Variants in EP300 observed in about 807,000 individuals in gnomAD.
EP300 encodes the protein histone acetyltransferase p300.
In EP300, 31 loss-of-function variants were observed where a neutral mutation model predicts 264.0. That is an observed-to-expected ratio of 0.12 (90% CI 0.09 to 0.16). EP300 has a LOEUF of 0.16. EP300 is among the 10% of genes least tolerant of loss of function. EP300 has a pLI of 1.00. For synonymous variants in EP300, 1,340 were observed against 1,045.4 expected (o/e 1.28, Z -5.44); for missense variants, 2,766 against 3,052.9 (o/e 0.91, Z 2.21).
Position 41,092,761 on chromosome 22 carries a change from G to C in EP300, c.-244G>C, listed in dbSNP as rs979441668. On this transcript the variant is annotated 5_prime_UTR_variant, in exon 1 of 31. Transcript: ENST00000263253. ...ACGCGCTCGGCGAATTTGTGCTCTT[G>C]TGCCCTCCTCCGGGCTTGGGCCCAG... The C allele has an allele frequency of 1.8e-5, 11 of 622,198 alleles. No individual in the cohort carries two copies. The highest frequency in any genetic ancestry group is 5.6e-5 in the African/African-American group (3 of 53,948). 38.5% of individuals were successfully genotyped at this position (622,198 alleles called of 1,614,324 possible).
intron 27 of EP300, 36 bp downstream of exon 27, chr22:41,170,607 G>T (rs1160114517): frequency 6.8e-6 from 10 of 1,462,780 alleles, no homozygotes; most frequent in Non-Finnish European, 7.5e-6. Flanking sequence ...GCTGACAATA[G>T]ATCTGGAAAT....
intron 1 of EP300, among the ~76,000 whole-genome samples, 186 bp downstream of exon 1, chr22:41,093,284 CATTG>C (rs909591611): frequency 1.3e-5 from 2 of 152,158 alleles, no homozygotes; most frequent in African/African-American, 2.4e-5. Flanking sequence ...CCTCCTAATA[CATTG>C]ATTGCAACAC....
chr22:41,154,827 T>C (rs1601623145), intron 16 of EP300, among the ~76,000 whole-genome samples, 168 bp from the exon 17 acceptor site: 1 of 152,206 alleles, frequency 6.6e-6, no homozygotes, highest in Non-Finnish European at 1.5e-5. Context: ...AAAGCGGGGC[T>C]TAGAATCTAG....
At chr22:41,167,574 GTGTGTGTGTGTATATATATATATATA>G (rs1173241135) in intron 23 of EP300, among the ~76,000 whole-genome samples, 2 of 29,184 alleles carry the variant, frequency 6.9e-5, no homozygotes, top group African/African-American at 2.7e-4. Flanking sequence ...GTGTGTGTGT[GTGTGTGTGTGTATATATATATATATA>G]TATATATATA....
chr22:41,144,249 T>C (rs1410544519), intron 10 of EP300, among the ~76,000 whole-genome samples: 1 of 152,050 alleles, frequency 6.6e-6, no homozygotes, highest in Non-Finnish European at 1.5e-5. Context: ...TGATAAAGGG[T>C]TTTTGATTAT....
intron 30 of EP300, 27 bp downstream of exon 30, chr22:41,176,555 A>T (rs200572024): frequency 1.6e-5 from 26 of 1,612,972 alleles, no homozygotes; most frequent in Middle Eastern, 3.7e-4. Flanking sequence ...GGGAAGGAGG[A>T]GGTGAGCTCC....
At chr22:41,163,068 G>A (rs541805425) in intron 21 of EP300, among the ~76,000 whole-genome samples, 22 of 152,310 alleles carry the variant, frequency 1.4e-4, no homozygotes, top group African/African-American at 4.8e-4. Context: ...ATGTCTTCTA[G>A]ATGTTCCTAA....
rs777196925 is a variant in EP300 at position 41,178,797 on chromosome 22, G to T, written c.7086G>T (p.Gly2362=). The change falls in exon 31 of 31, where the codon GGG becomes GGT. Residue 2362 remains glycine (G), a synonymous_variant. Coordinates refer to ENST00000263253, the MANE Select transcript of EP300 (RefSeq NM_001429.4). The part of the protein sequence containing the change: ...VAAQANPMEQ[G]HFASPDQNSM... ...CCCAGGCCAACCCCATGGAACAAGG[G>T]CATTTTGCCAGCCCGGACCAGAATT... 6.2e-7 allele frequency: 1 copy of T among 1,614,058 alleles called. No individual in the cohort carries two copies. Among genetic ancestry groups the T allele is most frequent in the African/African-American group, 1.3e-5 (1 of 74,998 alleles).
At chr22:41,163,326 T>C (rs912586070) in intron 21 of EP300, among the ~76,000 whole-genome samples, 23 of 149,660 alleles carry the variant, frequency 1.5e-4, no homozygotes, top group Non-Finnish European at 6.0e-5. Flanking sequence ...TCCCAGCTAC[T>C]TGGGAGGCTG....
At chr22:41,172,772 T>C in intron 28 of EP300, 109 bp downstream of exon 28, 1 of 1,202,462 alleles carries the variant, frequency 8.3e-7, no homozygotes, top group Non-Finnish European at 1.2e-6. Flanking sequence ...GTAAAAGAGC[T>C]CTTTAAGTTG....
Position 41,151,885 on chromosome 22 carries a change from C to G in EP300, c.2870C>G (p.Thr957Ser), listed in dbSNP as rs774604668. 26 of 1,614,042 alleles carry G rather than the reference C, an allele frequency of 1.6e-5. No homozygotes were observed. The highest frequency in any genetic ancestry group is 2.2e-5 in the Non-Finnish European group (26 of 1,180,032). The change falls in exon 15 of 31, where the codon ACT (threonine) becomes AGT (serine). Residue 957 changes from threonine (T) to serine (S), a missense_variant. Physicochemically the swap from Thr to Ser is moderately conservative, Grantham distance 58 (BLOSUM62 1). Transcript: ENST00000263253. Reference protein sequence around the residue: ...IEGQVSNPPSTSSTEVNSQAI... With the variant: ...IEGQVSNPPSSSSTEVNSQAI... Reference sequence around the variant, plus strand: ...GGACAGGTATCAAATCCTCCATCTACTAGTAGCACAGAAGTGAATTCTCAG... The same window carrying G: ...GGACAGGTATCAAATCCTCCATCTAGTAGTAGCACAGAAGTGAATTCTCAG...
At chr22:41,113,916 T>C (rs2058807702) in intron 1 of EP300, among the ~76,000 whole-genome samples, 1 of 152,218 alleles carries the variant, frequency 6.6e-6, no homozygotes, top group South Asian at 2.1e-4. Flanking sequence ...ATTTCCTTTG[T>C]GATTTCTTTT....
rs375936936 is a variant in EP300 at position 41,173,572 on chromosome 22, A to G, written c.4618-51A>G. The G allele has an allele frequency of 3.0e-4, 474 of 1,599,732 alleles. 7 individuals carry two copies. Among genetic ancestry groups the G allele is most frequent in the South Asian group, 2.7e-3 (243 of 90,308 alleles). On this transcript the variant is annotated intron_variant, in intron 28 of 30. Coordinates refer to ENST00000263253, the MANE Select transcript of EP300 (RefSeq NM_001429.4). ...AGGGAGATATTCTGTGCTATTCCCA[A>G]ATTACTTAACAAAAACCTTATTTTC...
At chr22:41,121,586 T>G (rs1447158162) in intron 2 of EP300, among the ~76,000 whole-genome samples, 1 of 152,204 alleles carries the variant, frequency 6.6e-6, no homozygotes, top group East Asian at 1.9e-4. Flanking sequence ...TCTGTGTATT[T>G]AAACCCATAG....
rs2145770415 is a variant in EP300, at chr22:41,172,626, G to A, written c.4580G>A (p.Arg1527Lys). ...IKELEQEEEE[R>K]KREENTSNES... ...GAACTGGAACAGGAGGAAGAAGAGA[G>A]AAAACGAGAGGAAAACACCAGCAAT... Residue 1527 changes from arginine to lysine, a missense_variant, in exon 28 of 31, where the codon AGA (arginine) becomes AAA (lysine). By Grantham distance (26) the Arg-to-Lys change is conservative (BLOSUM62 2). Transcript: ENST00000263253. The A allele has an allele frequency of 6.2e-7, 1 of 1,613,918 alleles. No individual in the cohort carries two copies. The highest frequency in any genetic ancestry group is 8.5e-7 in the Non-Finnish European group (1 of 1,179,858).
chr22:41,174,205 C>A (rs1278624226), intron 29 of EP300, among the ~76,000 whole-genome samples: 1 of 151,872 alleles, frequency 6.6e-6, no homozygotes, highest in Non-Finnish European at 1.5e-5. Flanking sequence ...TTGAGGCAGG[C>A]GGATCACTTG....
At chr22:41,173,585 A>G (rs766564001) in intron 28 of EP300, 38 bp from the exon 29 acceptor site, 34 of 1,611,538 alleles carry the variant, frequency 2.1e-5, no homozygotes, top group Non-Finnish European at 2.8e-5. Flanking sequence ...TACTTAACAA[A>G]AACCTTATTT....
At position 41,173,552 on chromosome 22, in the gene EP300, G is replaced by GATATTCT. The variant is rs2059182851; in HGVS notation, c.4618-70_4618-64dup. The GATATTCT allele has an allele frequency of 5.0e-5, 74 of 1,479,344 alleles. No individual in the cohort carries two copies. The East Asian group carries it at 1.7e-3, about 34-fold the overall frequency. The allele number at this position is 1,479,344 out of a possible 1,614,324, so 91.6% of individuals were successfully genotyped here. On this transcript the variant is annotated intron_variant, in intron 28 of 30. Transcript: ENST00000263253. Reference sequence around the variant, plus strand: ...ATGATATCTAGTTTCAAAGAAGGGAGATATTCTGTGCTATTCCCAAATTAC... The same window carrying GATATTCT: ...ATGATATCTAGTTTCAAAGAAGGGAGATATTCTATATTCTGTGCTATTCCCAAATTAC...
chr22:41,119,550 CTTATT>C lies in EP300; in HGVS notation c.729+1734_729+1738del, dbSNP rs2058840939. 2.0e-5 allele frequency among the ~76,000 whole-genome samples: 3 copies of C among 152,192 alleles called. No individual in the cohort carries two copies. The South Asian group carries it at 6.2e-4, about 32-fold the overall frequency. On this transcript the variant is annotated intron_variant, in intron 2 of 30. Coordinates refer to ENST00000263253, the MANE Select transcript of EP300 (RefSeq NM_001429.4). ...CTTTAGGGTTAAAGTAGTGAATGAACTTATTTTATGTAACCTACTTTCTACTGTGC... is the reference window on the plus strand; with the variant it reads ...CTTTAGGGTTAAAGTAGTGAATGAACTTATGTAACCTACTTTCTACTGTGC...
Sources: gnomAD v4.1 joint callset for allele counts (sites outside exome capture counted in the v4.1 genomes callset) on GRCh38, gnomAD v4.1.1 for gene constraint, MANE v1.5 for transcripts, NCBI Gene and HGNC (gene_info 2026-07-23, HGNC 2026-07-21) for gene names.